Variants in MAP2K5 observed in about 807,000 individuals in gnomAD.
The protein encoded by MAP2K5 is dual specificity mitogen-activated protein kinase kinase 5.
In MAP2K5, 49 loss-of-function variants were observed where a neutral mutation model predicts 83.1. The observed-to-expected ratio is 0.59, with a 90% CI of 0.47 to 0.75. The LOEUF (loss-of-function observed/expected upper bound fraction) is 0.75. Among genes scored for constraint, MAP2K5 ranks in the 30% least tolerant of loss-of-function variants. MAP2K5 has a pLI of 0.00. For synonymous variants in MAP2K5, 202 were observed against 191.8 expected (o/e 1.05, Z -0.44); for missense variants, 457 against 557.5 (o/e 0.82, Z 1.82).
intron 8 of MAP2K5, among the ~76,000 whole-genome samples, chr15:67,619,035 T>C (rs752003237): frequency 3.3e-5 from 5 of 152,182 alleles, no homozygotes; most frequent in Admixed American, 2.0e-4. Context: ...TCCTTACCTC[T>C]CTGACCTCAT....
At position 67,692,811 on chromosome 15, in the gene MAP2K5, G is replaced by A. The variant is rs554279001; in HGVS notation, c.921+259G>A. 1.6e-4 allele frequency among the ~76,000 whole-genome samples: 25 copies of A among 152,260 alleles called. No individual in the cohort carries two copies. In the South Asian group the frequency reaches 5.0e-3, roughly 30 times the overall value. On this transcript the variant is annotated intron_variant, in intron 14 of 21. Coordinates refer to ENST00000178640, the MANE Select transcript of MAP2K5 (RefSeq NM_145160.3). ...TACGAATAGCAAACTTCATTGATAT[G>A]CAGCTTTGATATGAAAGCGTTTTGG...
At chr15:67,598,244 A>G (rs1293009449) in intron 7 of MAP2K5, among the ~76,000 whole-genome samples, 4 of 152,128 alleles carry the variant, frequency 2.6e-5, no homozygotes, top group Admixed American at 1.3e-4. Context: ...AAAACTGTCA[A>G]TCAGTTCACA....
At chr15:67,731,169 G>A (rs2089211385) in intron 17 of MAP2K5, among the ~76,000 whole-genome samples, 1 of 152,154 alleles carries the variant, frequency 6.6e-6, no homozygotes, top group Admixed American at 6.5e-5. Flanking sequence ...TATAAAATGA[G>A]CAGAGGGTAA....
chr15:67,727,206 C>CA (rs2089117452), intron 16 of MAP2K5, among the ~76,000 whole-genome samples: 1 of 151,622 alleles, frequency 6.6e-6, no homozygotes, highest in South Asian at 2.1e-4. Flanking sequence ...GCTCAAAAAA[C>CA]AGTTTATATC....
rs148858922 is a variant in MAP2K5, at chr15:67,775,371, G to A, written c.1242+2619G>A. ...AGTTGGACCAAGAAATTCCTTTACTGCTTACATTTTGGGGAGGCCAGGATA... is the reference window on the plus strand; with the variant it reads ...AGTTGGACCAAGAAATTCCTTTACTACTTACATTTTGGGGAGGCCAGGATA... On this transcript the variant is annotated intron_variant, in intron 21 of 21. Coordinates refer to ENST00000178640, the MANE Select transcript of MAP2K5 (RefSeq NM_145160.3). This position sits in a 1 kb window ranked among gnomAD's most constrained non-coding sequence, Gnocchi z 5.3. Among the ~76,000 whole-genome samples, 3 of 152,296 alleles carry A rather than the reference G, an allele frequency of 2.0e-5. No individual in the cohort carries two copies. The highest frequency in any genetic ancestry group is 3.9e-4 in the East Asian group (2 of 5,188).
intron 15 of MAP2K5, among the ~76,000 whole-genome samples, chr15:67,700,702 A>C (rs1483149495): frequency 6.6e-6 from 1 of 152,124 alleles, no homozygotes; most frequent in Non-Finnish European, 1.5e-5. Context: ...CACATTTCCC[A>C]ATCCCTATCC....
At position 67,746,550 on chromosome 15, in the gene MAP2K5, T is replaced by C. The variant is rs551801499; in HGVS notation, c.1075-1681T>C. ...ATTTTTTTAAAGGTAGTTTGGCTTG[T>C]TACTGAAATTCTTAACCACTTCCGG... On this transcript the variant is annotated intron_variant, in intron 17 of 21. Coordinates refer to ENST00000178640, the MANE Select transcript of MAP2K5 (RefSeq NM_145160.3). This position sits in a 1 kb window ranked among gnomAD's most constrained non-coding sequence, Gnocchi z 4.1. Among the ~76,000 whole-genome samples, 3 of 152,264 alleles carry C rather than the reference T, an allele frequency of 2.0e-5. No homozygotes were observed. The South Asian group carries it at 6.2e-4, about 32-fold the overall frequency.
chr15:67,628,915 G>A, intron 8 of MAP2K5: 1 of 752,078 alleles, frequency 1.3e-6, no homozygotes, highest in Non-Finnish European at 2.4e-6. Flanking sequence ...AATGGATTTA[G>A]TAATAATGGA....
At position 67,562,692 on chromosome 15, in the gene MAP2K5, C is replaced by T. The variant is rs1477787857; in HGVS notation, c.185-591C>T. On this transcript the variant is annotated intron_variant, in intron 2 of 21. Coordinates refer to ENST00000178640, the MANE Select transcript of MAP2K5 (RefSeq NM_145160.3). The surrounding 1 kb of genome is among the most constrained non-coding windows in gnomAD (Gnocchi z 4.1). Reference sequence around the variant, plus strand: ...GGAGACCTGTATTAGAGCTGCTTTACAAGTTAACCTTGCACTAGGCCTAGG... The same window carrying T: ...GGAGACCTGTATTAGAGCTGCTTTATAAGTTAACCTTGCACTAGGCCTAGG... Among the ~76,000 whole-genome samples the T allele has an allele frequency of 6.6e-6, 1 of 152,184 alleles. No individual in the cohort carries two copies. Among genetic ancestry groups the T allele is most frequent in the Non-Finnish European group, 1.5e-5 (1 of 68,038 alleles).
intron 19 of MAP2K5, among the ~76,000 whole-genome samples, chr15:67,753,001 G>A (rs2089756610): frequency 6.6e-6 from 1 of 152,038 alleles, no homozygotes; most frequent in Non-Finnish European, 1.5e-5. Context: ...GTATAGGATA[G>A]ACATACGGAA....
intron 8 of MAP2K5, among the ~76,000 whole-genome samples, chr15:67,601,936 G>A (rs2085667205): frequency 6.6e-6 from 1 of 152,182 alleles, no homozygotes; most frequent in Non-Finnish European, 1.5e-5. Flanking sequence ...TCACATGTTT[G>A]GATTGTTTTT....
At chr15:67,703,251 C>T in intron 15 of MAP2K5, 86 bp from the exon 16 acceptor site, 1 of 935,374 alleles carries the variant, frequency 1.1e-6, no homozygotes, top group Non-Finnish European at 1.7e-6. Context: ...GTTGGTGGCT[C>T]CTCACCTTAG....
chr15:67,738,104 A>G lies in MAP2K5; in HGVS notation c.1075-10127A>G, dbSNP rs1433848842. ...CGACCTCAGGTGACCTGCCTGCCTC[A>G]GCCTCCCAGAGTACTGGGATTACAG... On this transcript the variant is annotated intron_variant, in intron 17 of 21. Coordinates refer to ENST00000178640, the MANE Select transcript of MAP2K5 (RefSeq NM_145160.3). This position sits in a 1 kb window ranked among gnomAD's most constrained non-coding sequence, Gnocchi z 4.1. Among the ~76,000 whole-genome samples, 1 of 152,106 alleles carries G rather than the reference A, an allele frequency of 6.6e-6. No homozygotes were observed. The highest frequency in any genetic ancestry group is 1.5e-5 in the Non-Finnish European group (1 of 68,004).
rs1276398179 is a variant in MAP2K5, at chr15:67,755,682, C to A, written c.1134+7081C>A. ...GTACCACCATAATGATGTGCATATG[C>A]CAGCCAGACAGATAAGTAAACAGTA... On this transcript the variant is annotated intron_variant, in intron 19 of 21. Transcript: ENST00000178640. The surrounding 1 kb of genome is among the most constrained non-coding windows in gnomAD (Gnocchi z 4.7). 6.6e-6 allele frequency among the ~76,000 whole-genome samples: 1 copy of A among 152,158 alleles called. No homozygotes were observed. Among genetic ancestry groups the A allele is most frequent in the Non-Finnish European group, 1.5e-5 (1 of 68,034 alleles).
At chr15:67,548,542 C>G (rs1011811493) in intron 1 of MAP2K5, among the ~76,000 whole-genome samples, 2 of 152,342 alleles carry the variant, frequency 1.3e-5, no homozygotes, top group Middle Eastern at 3.4e-3. Context: ...TTGTTAGGTA[C>G]AGCTAAGATC....
chr15:67,798,504 C>CTGGTCCTGT (rs1566968049), intron 21 of MAP2K5, among the ~76,000 whole-genome samples: 2 of 152,128 alleles, frequency 1.3e-5, no homozygotes, highest in East Asian at 3.9e-4. Context: ...ACTGGTCCTG[C>CTGGTCCTGT]GGCTGCTCTG....
chr15:67,555,488 A>T lies in MAP2K5; in HGVS notation c.184+5406A>T, dbSNP rs1382137195. 6.6e-6 allele frequency among the ~76,000 whole-genome samples: 1 copy of T among 152,164 alleles called. No homozygotes were observed. Among genetic ancestry groups the T allele is most frequent in the Non-Finnish European group, 1.5e-5 (1 of 68,036 alleles). The stretch of plus-strand genomic sequence containing the variant: ...TCAAACCATATCATTGTGGAAATAA[A>T]TTTGTAAGATAAATTCTTAGAGTTG... On this transcript the variant is annotated intron_variant, in intron 2 of 21. Transcript: ENST00000178640. This position sits in a 1 kb window ranked among gnomAD's most constrained non-coding sequence, Gnocchi z 5.2.
intron 8 of MAP2K5, chr15:67,628,047 G>A: frequency 1.4e-6 from 1 of 724,340 alleles, no homozygotes; most frequent in Non-Finnish European, 2.5e-6. Flanking sequence ...CCCTGTGGAG[G>A]CAGTGGATGC....
intron 21 of MAP2K5, among the ~76,000 whole-genome samples, chr15:67,804,440 G>A (rs1264036118): frequency 6.6e-6 from 1 of 152,194 alleles, no homozygotes; most frequent in East Asian, 1.9e-4. Context: ...AGGAGACGAG[G>A]TCACCTCCCA....
Sources: allele counts gnomAD v4.1 joint callset (sites outside exome capture counted in the v4.1 genomes callset), GRCh38; gene constraint gnomAD v4.1.1; non-coding constraint Gnocchi (gnomAD v3.1); transcripts MANE v1.5; gene names NCBI Gene and HGNC (gene_info 2026-07-23, HGNC 2026-07-21).